RALA: variants seen among roughly 807,000 people sequenced by gnomAD.
The protein encoded by RALA is ras-related protein Ral-A.
In RALA, 5 loss-of-function variants were observed where a neutral mutation model predicts 24.0. The observed-to-expected ratio is 0.21, with a 90% CI of 0.11 to 0.44. The LOEUF (loss-of-function observed/expected upper bound fraction) is 0.44. Ranked by LOEUF, RALA falls within the 20% of genes least tolerant of loss-of-function variation. The probability of loss-of-function intolerance (pLI) is 0.99; values close to 1 mark genes in which losing one functional copy is unlikely to be tolerated. For missense variants in RALA, 95 were observed against 241.2 expected (o/e 0.39, Z 4.01); for synonymous variants, 77 against 83.8 (o/e 0.92, Z 0.44).
intron 2 of RALA, among the ~76,000 whole-genome samples, chr7:39,688,099 A>G (rs1001355115): frequency 9.9e-5 from 15 of 152,098 alleles, no homozygotes; most frequent in African/African-American, 3.6e-4. Context: ...TTTTACACAC[A>G]TACATAAAAC....
At chr7:39,659,863 T>C (rs1173012642) in intron 1 of RALA, among the ~76,000 whole-genome samples, 1 of 152,176 alleles carries the variant, frequency 6.6e-6, no homozygotes, top group African/African-American at 2.4e-5. Context: ...TAGTGGCATG[T>C]ATATTTTTTA....
rs1201024157 is a variant in RALA, at chr7:39,690,606, ATGT to A, written c.323+22_323+24del. The A allele has an allele frequency of 2.5e-6, 4 of 1,571,848 alleles. No homozygotes were observed. Among genetic ancestry groups the A allele is most frequent in the African/African-American group, 1.4e-5 (1 of 73,866 alleles). On this transcript the variant is annotated intron_variant, in intron 3 of 4. Coordinates refer to ENST00000005257, the MANE Select transcript of RALA (RefSeq NM_005402.4). Reference sequence around the variant, plus strand: ...CTGACTTCAGGTATGTCCTAGAGTAATGTTGTTGCTTGTGACATACTATACAAC... The same window carrying A: ...CTGACTTCAGGTATGTCCTAGAGTAATGTTGCTTGTGACATACTATACAAC...
intron 4 of RALA, among the ~76,000 whole-genome samples, chr7:39,699,420 G>A (rs1489142317): frequency 6.6e-6 from 1 of 152,080 alleles, no homozygotes; most frequent in East Asian, 1.9e-4. Flanking sequence ...GATTACAGGC[G>A]TGAGCCACCA....
chr7:39,696,132 A>G (rs1028766009), intron 3 of RALA, among the ~76,000 whole-genome samples: 1 of 152,210 alleles, frequency 6.6e-6, no homozygotes, highest in Admixed American at 6.5e-5. Flanking sequence ...TTCACAGTGG[A>G]TAACTTACCT....
chr7:39,626,062 T>G (rs1791480197), intron 1 of RALA, among the ~76,000 whole-genome samples: 1 of 152,184 alleles, frequency 6.6e-6, no homozygotes, highest in African/African-American at 2.4e-5. Context: ...AAGGAGACAG[T>G]TTATGATTTT....
At chr7:39,696,932 T>A in intron 4 of RALA, 73 bp downstream of exon 4, 1 of 1,391,776 alleles carries the variant, frequency 7.2e-7, no homozygotes, top group Non-Finnish European at 9.8e-7. Flanking sequence ...CCATTTTGTC[T>A]GGAGAGTCTA....
intron 1 of RALA, among the ~76,000 whole-genome samples, chr7:39,665,778 TG>T (rs1398750137): frequency 6.6e-6 from 1 of 152,180 alleles, no homozygotes. Flanking sequence ...CTAACCTTTG[TG>T]TAAGGTCATT....
At chr7:39,652,730 T>A (rs1792038692) in intron 1 of RALA, among the ~76,000 whole-genome samples, 2 of 152,152 alleles carry the variant, frequency 1.3e-5, no homozygotes, top group South Asian at 4.1e-4. Context: ...GGATTTGAAT[T>A]TCTTTGTAGT....
chr7:39,698,628 TA>T (rs371734459), intron 4 of RALA, among the ~76,000 whole-genome samples: 135 of 152,348 alleles, frequency 8.9e-4, no homozygotes, highest in African/African-American at 3.1e-3. Flanking sequence ...TATACTTTTC[TA>T]ATCGATGTTT....
chr7:39,637,181 A>G (rs1227174528), intron 1 of RALA, among the ~76,000 whole-genome samples: 4 of 152,242 alleles, frequency 2.6e-5, no homozygotes, highest in African/African-American at 9.6e-5. Flanking sequence ...AGTGTTGACT[A>G]CATAATTGAG....
intron 1 of RALA, among the ~76,000 whole-genome samples, chr7:39,644,858 A>C (rs992012186): frequency 3.3e-5 from 5 of 152,236 alleles, no homozygotes; most frequent in Admixed American, 2.6e-4. Context: ...GATCACTACC[A>C]TTGAGACTAA....
chr7:39,652,770 T>TTTA lies in RALA; in HGVS notation c.-38+28963_-38+28965dup, dbSNP rs1006675959. Among the ~76,000 whole-genome samples the TTTA allele has an allele frequency of 1.2e-3, 176 of 151,876 alleles. 2 individuals carry two copies. Among genetic ancestry groups the TTTA allele is most frequent in the African/African-American group, 3.4e-3 (142 of 41,458 alleles). On this transcript the variant is annotated intron_variant, in intron 1 of 4. Transcript: ENST00000005257. ...TCTTGATGTAGTTGAATTAATTAAT[T>TTTA]TTATTATTATTATTATTATTTGAGA... is the stretch of plus-strand genomic sequence containing the variant.
At chr7:39,693,896 C>T (rs747191588) in intron 3 of RALA, among the ~76,000 whole-genome samples, 52 of 152,252 alleles carry the variant, frequency 3.4e-4, no homozygotes, top group Non-Finnish European at 5.4e-4. Flanking sequence ...ATAGTCTGTG[C>T]GGCCTATAGT....
At chr7:39,683,274 A>G (rs1487744783) in intron 1 of RALA, among the ~76,000 whole-genome samples, 1 of 152,274 alleles carries the variant, frequency 6.6e-6, no homozygotes, top group East Asian at 1.9e-4. Context: ...TGCTTCCTAG[A>G]ACATGCTCCC....
At chr7:39,630,243 G>A (rs1198626929) in intron 1 of RALA, among the ~76,000 whole-genome samples, 1 of 144,028 alleles carries the variant, frequency 6.9e-6, no homozygotes, top group South Asian at 2.2e-4. Context: ...GTCAAGATGG[G>A]GTTTTAACAT....
rs564083444 is a variant in RALA, at chr7:39,653,642, G to A, written c.-38+29817G>A. Among the ~76,000 whole-genome samples, 181 of 152,178 alleles carry A rather than the reference G, an allele frequency of 1.2e-3. 9 individuals carry two copies. The South Asian group carries it at 0.037, about 31-fold the overall frequency. ...TATTTATTTAGAATAATTATATGAA[G>A]TGTCACCTCAGCTCAGCAGAATTCT... On this transcript the variant is annotated intron_variant, in intron 1 of 4. Coordinates refer to ENST00000005257, the MANE Select transcript of RALA (RefSeq NM_005402.4).
In RALA at chr7:39,664,821, G is replaced by C. The variant is rs1792255946; in HGVS notation, c.-37-21810G>C. 2.0e-5 allele frequency among the ~76,000 whole-genome samples: 3 copies of C among 151,196 alleles called. No individual in the cohort carries two copies. The South Asian group carries it at 6.2e-4, about 31-fold the overall frequency. ...GTGGACGTGCCAAAAAAAAAAAATA[G>C]TGGGAGGGGGAACAAAAGTCTGCTT... is the stretch of plus-strand genomic sequence containing the variant. On this transcript the variant is annotated intron_variant, in intron 1 of 4. Transcript: ENST00000005257.
intron 1 of RALA, among the ~76,000 whole-genome samples, chr7:39,629,445 C>T (rs903949741): frequency 3.3e-5 from 5 of 152,124 alleles, no homozygotes; most frequent in Admixed American, 6.5e-5. Context: ...GATGGAGTTT[C>T]GCTCTGTCGC....
At chr7:39,627,647 G>A (rs1485440183) in intron 1 of RALA, among the ~76,000 whole-genome samples, 1 of 152,170 alleles carries the variant, frequency 6.6e-6, no homozygotes, top group Admixed American at 6.5e-5. Context: ...TAAGCCACAG[G>A]ATCTGTTTTC....
Sources: allele counts gnomAD v4.1 joint callset (sites outside exome capture counted in the v4.1 genomes callset), GRCh38; gene constraint gnomAD v4.1.1; transcripts MANE v1.5; gene names NCBI Gene and HGNC (gene_info 2026-07-23, HGNC 2026-07-21).